TMOD3: variants seen among roughly 807,000 people sequenced by gnomAD.
The protein encoded by TMOD3 is tropomodulin 3, also known as tropomodulin-3.
Under a neutral mutation model 39.2 loss-of-function variants are expected in TMOD3, and 20 were observed. That is an observed-to-expected ratio of 0.51 (90% CI 0.36 to 0.74). TMOD3 has a LOEUF of 0.74. Among genes scored for constraint, TMOD3 ranks in the 30% least tolerant of loss-of-function variants. The pLI, the probability that TMOD3 is intolerant of heterozygous loss-of-function variation, is 0.00. For synonymous variants in TMOD3, 143 were observed against 145.8 expected (o/e 0.98, Z 0.14); for missense variants, 381 against 412.8 (o/e 0.92, Z 0.67).
intron 2 of TMOD3, among the ~76,000 whole-genome samples, chr15:51,866,018 T>G (rs927596125): frequency 1.3e-5 from 2 of 152,214 alleles, no homozygotes; most frequent in Non-Finnish European, 2.9e-5. Flanking sequence ...CGTGTCATTT[T>G]TAGTGACAAT....
At chr15:51,835,676 G>A (rs891928681) in intron 1 of TMOD3, among the ~76,000 whole-genome samples, 1 of 152,060 alleles carries the variant, frequency 6.6e-6, no homozygotes, top group Non-Finnish European at 1.5e-5. Context: ...AATTTGCCTT[G>A]GAACAATTTT....
intron 1 of TMOD3, among the ~76,000 whole-genome samples, chr15:51,853,823 A>G (rs1230130426): frequency 2.0e-5 from 3 of 151,800 alleles, no homozygotes; most frequent in African/African-American, 7.3e-5. Flanking sequence ...TAATGGCAAC[A>G]TCATTAAGGA....
intron 7 of TMOD3, chr15:51,899,181 C>T (rs1276952438): frequency 6.6e-6 from 1 of 152,170 alleles, no homozygotes; most frequent in Non-Finnish European, 1.5e-5. Context: ...TTCACATGAT[C>T]CAGCTACAGC....
intron 3 of TMOD3, among the ~76,000 whole-genome samples, chr15:51,873,298 G>T (rs1373180729): frequency 6.6e-6 from 1 of 152,254 alleles, no homozygotes; most frequent in East Asian, 1.9e-4. Flanking sequence ...GCTCTCCTAT[G>T]ACTCTGCCCT....
At chr15:51,830,531 T>G (rs2056249538) in intron 1 of TMOD3, among the ~76,000 whole-genome samples, 1 of 152,208 alleles carries the variant, frequency 6.6e-6, no homozygotes, top group Non-Finnish European at 1.5e-5. Context: ...TTTTTCTTTT[T>G]AATGTTTAGT....
intron 1 of TMOD3, among the ~76,000 whole-genome samples, chr15:51,831,416 C>G (rs1413284902): frequency 6.6e-6 from 1 of 152,156 alleles, no homozygotes; most frequent in East Asian, 1.9e-4. Flanking sequence ...GCAGTCTTTT[C>G]AAACACTTTA....
intron 2 of TMOD3, among the ~76,000 whole-genome samples, chr15:51,863,529 G>T (rs953447354): frequency 6.6e-6 from 1 of 152,226 alleles, no homozygotes; most frequent in African/African-American, 2.4e-5. Flanking sequence ...GAGCAGACAT[G>T]AATATATGTA....
At chr15:51,843,479 A>G (rs2056322001) in intron 1 of TMOD3, among the ~76,000 whole-genome samples, 1 of 152,234 alleles carries the variant, frequency 6.6e-6, no homozygotes, top group African/African-American at 2.4e-5. Flanking sequence ...TGTTAAAAGC[A>G]GTGTTTTAGG....
At chr15:51,877,221 A>G (rs921658580) in intron 3 of TMOD3, among the ~76,000 whole-genome samples, 1 of 152,016 alleles carries the variant, frequency 6.6e-6, no homozygotes, top group Non-Finnish European at 1.5e-5. Context: ...TCTGGATCAA[A>G]TTTTCCTGTT....
At position 51,911,324 on chromosome 15, in the gene TMOD3, C is replaced by G. The variant is rs1035191577; in HGVS notation, c.*2514C>G. ...TATGAAGTTGAGTATTTTGCTTGTACCATTTCAATTCTGCATTATAGTAGT... is the reference window on the plus strand; with the variant it reads ...TATGAAGTTGAGTATTTTGCTTGTAGCATTTCAATTCTGCATTATAGTAGT... On this transcript the variant is annotated 3_prime_UTR_variant, in exon 10 of 10. Coordinates refer to ENST00000308580, the MANE Select transcript of TMOD3 (RefSeq NM_014547.5). 7 of 151,942 alleles carry G rather than the reference C, an allele frequency of 4.6e-5. No homozygotes were observed. The highest frequency in any genetic ancestry group is 1.5e-4 in the African/African-American group (6 of 41,352). 9.4% of individuals were successfully genotyped at this position (151,942 alleles called of 1,614,324 possible). A position where few individuals can be genotyped will look rare whatever the true frequency, so the allele number is the denominator to read the frequency against.
intron 3 of TMOD3, chr15:51,875,258 G>C (rs578005036): frequency 6.6e-6 from 1 of 152,256 alleles, no homozygotes; most frequent in African/African-American, 2.4e-5. Context: ...ATTGGTTTCC[G>C]CTAAGTCCAA....
At chr15:51,869,749 C>T (rs566236455) in intron 3 of TMOD3, among the ~76,000 whole-genome samples, 140 of 152,316 alleles carry the variant, frequency 9.2e-4, no homozygotes, top group African/African-American at 3.2e-3. Context: ...TAAAACAATT[C>T]ATGCCATATT....
At chr15:51,831,946 G>A (rs1048378351) in intron 1 of TMOD3, among the ~76,000 whole-genome samples, 1 of 152,024 alleles carries the variant, frequency 6.6e-6, no homozygotes, top group Admixed American at 6.6e-5. Flanking sequence ...ACTTTGGGAG[G>A]CCAAGGTAGG....
chr15:51,876,652 G>A (rs1449883851), intron 3 of TMOD3, among the ~76,000 whole-genome samples: 3 of 151,648 alleles, frequency 2.0e-5, no homozygotes, highest in South Asian at 4.2e-4. Context: ...TAGTAGAGAC[G>A]GGGTTTCACC....
intron 3 of TMOD3, among the ~76,000 whole-genome samples, chr15:51,878,446 C>CAG (rs1420550247): frequency 6.7e-6 from 1 of 149,872 alleles, no homozygotes; most frequent in Admixed American, 6.7e-5. Flanking sequence ...TTAATTGTTT[C>CAG]AGGCATGTGG....
intron 3 of TMOD3, among the ~76,000 whole-genome samples, chr15:51,885,181 T>C (rs1386045836): frequency 6.6e-6 from 1 of 152,264 alleles, no homozygotes; most frequent in African/African-American, 2.4e-5. Context: ...TTATCATTTT[T>C]CCATTCCTTT....
chr15:51,903,363 A>G (rs2056662768), intron 9 of TMOD3, among the ~76,000 whole-genome samples: 1 of 152,260 alleles, frequency 6.6e-6, no homozygotes, highest in African/African-American at 2.4e-5. Context: ...TTAAAGATGC[A>G]TCTTAGACAA....
intron 1 of TMOD3, among the ~76,000 whole-genome samples, chr15:51,843,546 T>G (rs1322803277): frequency 1.3e-5 from 2 of 152,226 alleles, no homozygotes; most frequent in Non-Finnish European, 2.9e-5. Context: ...AGAGTCAGTT[T>G]GCTTGTCTAG....
intron 3 of TMOD3, among the ~76,000 whole-genome samples, chr15:51,885,755 C>A (rs868056287): frequency 1.3e-5 from 2 of 152,206 alleles, no homozygotes; most frequent in Non-Finnish European, 2.9e-5. Flanking sequence ...CTTTTGTATT[C>A]GACAAAACCG....
Sources: allele counts gnomAD v4.1 joint callset (sites outside exome capture counted in the v4.1 genomes callset), GRCh38; gene constraint gnomAD v4.1.1; transcripts MANE v1.5; gene names NCBI Gene and HGNC (gene_info 2026-07-23, HGNC 2026-07-21).